Variants in WWTR1 observed in about 807,000 individuals in gnomAD.
WWTR1 encodes WW domain-containing transcription regulator protein 1.
WWTR1 carries 13 observed loss-of-function variants against 40.1 expected under a neutral mutation model. The ratio of observed to expected loss-of-function variants is 0.32; its 90% CI spans 0.21 to 0.52. WWTR1 has a LOEUF of 0.52. Ranked by LOEUF, WWTR1 falls within the 20% of genes least tolerant of loss-of-function variation. The pLI is 0.97. For missense variants in WWTR1, 436 were observed against 523.1 expected, an observed-to-expected ratio of 0.83 and a Z score of 1.63; for synonymous variants, 230 against 210.1, an observed-to-expected ratio of 1.09 and a Z score of -0.82.
intron 2 of WWTR1, among the ~76,000 whole-genome samples, chr3:149,639,735 T>C (rs1477367253): frequency 1.3e-5 from 2 of 152,092 alleles, no homozygotes; most frequent in Non-Finnish European, 2.9e-5. Flanking sequence ...GGCTCACGCC[T>C]GTAATCCCAG....
chr3:149,633,317 A>G (rs761932586), intron 2 of WWTR1, among the ~76,000 whole-genome samples: 2 of 152,182 alleles, frequency 1.3e-5, no homozygotes, highest in Non-Finnish European at 2.9e-5. Flanking sequence ...TGAGCCCACG[A>G]GTTTGAGGTT....
intron 4 of WWTR1, among the ~76,000 whole-genome samples, chr3:149,528,195 C>T (rs1560045046): frequency 6.6e-6 from 1 of 152,190 alleles, no homozygotes; most frequent in Non-Finnish European, 1.5e-5. Context: ...ATTATTTGAT[C>T]TAAGGGCACT....
At chr3:149,570,129 A>C (rs1737547857) in intron 3 of WWTR1, among the ~76,000 whole-genome samples, 2 of 152,380 alleles carry the variant, frequency 1.3e-5, no homozygotes, top group South Asian at 4.1e-4. Context: ...TTTGGAACTT[A>C]CTTGGCATTC....
At chr3:149,577,481 C>G (rs1279120885) in intron 2 of WWTR1, among the ~76,000 whole-genome samples, 2 of 152,020 alleles carry the variant, frequency 1.3e-5, no homozygotes, top group African/African-American at 4.8e-5. Context: ...CCCCTTGGAC[C>G]ACTACTTCCC....
intron 1 of WWTR1, among the ~76,000 whole-genome samples, chr3:149,673,940 G>A (rs1331497771): frequency 6.6e-6 from 1 of 151,840 alleles, no homozygotes; most frequent in Non-Finnish European, 1.5e-5. Flanking sequence ...GGCTGGATAT[G>A]ATGGCTCATG....
intron 1 of WWTR1, among the ~76,000 whole-genome samples, chr3:149,689,448 T>C (rs1460473193): frequency 1.1e-5 from 1 of 93,390 alleles, no homozygotes; most frequent in Non-Finnish European, 2.2e-5. Flanking sequence ...TAAGACCATA[T>C]CAAGACATTT....
chr3:149,605,108 T>C (rs555906353), intron 2 of WWTR1, among the ~76,000 whole-genome samples: 1 of 152,276 alleles, frequency 6.6e-6, no homozygotes, highest in Admixed American at 6.5e-5. Flanking sequence ...CAGGAGAAAC[T>C]GTAAGATCAT....
intron 3 of WWTR1, among the ~76,000 whole-genome samples, chr3:149,550,026 G>A (rs796894145): frequency 2.6e-4 from 39 of 152,222 alleles, no homozygotes; most frequent in African/African-American, 8.9e-4. Flanking sequence ...ACTAACAACA[G>A]GGGAAACTGG....
At chr3:149,546,316 G>T (rs1364391069) in intron 3 of WWTR1, among the ~76,000 whole-genome samples, 1 of 152,222 alleles carries the variant, frequency 6.6e-6, no homozygotes, top group Non-Finnish European at 1.5e-5. Context: ...ATTCAAAACA[G>T]TATTGTTTAT....
At chr3:149,630,982 C>G (rs1711527729) in intron 2 of WWTR1, among the ~76,000 whole-genome samples, 1 of 152,176 alleles carries the variant, frequency 6.6e-6, no homozygotes, top group African/African-American at 2.4e-5. Flanking sequence ...CTCCCAGAAA[C>G]AAATATTCTT....
intron 2 of WWTR1, among the ~76,000 whole-genome samples, chr3:149,629,430 C>T (rs1711500630): frequency 6.6e-6 from 1 of 152,208 alleles, no homozygotes; most frequent in Non-Finnish European, 1.5e-5. Flanking sequence ...GGGGAATCTG[C>T]TAAGCGAAGC....
intron 2 of WWTR1, among the ~76,000 whole-genome samples, chr3:149,596,506 C>T (rs1739010069): frequency 6.6e-6 from 1 of 152,154 alleles, no homozygotes; most frequent in South Asian, 2.1e-4. Flanking sequence ...TTCTCTGTGG[C>T]TCGCTGACCT....
intron 3 of WWTR1, among the ~76,000 whole-genome samples, chr3:149,550,274 C>T (rs7624564): frequency 0.63 from 96,164 of 151,976 alleles, 31,915 homozygotes; most frequent in East Asian, 0.96. Flanking sequence ...TAAGCTAAAA[C>T]TTTTTAAATT....
chr3:149,721,263 TGAGTTAGTTTCCTTCTATTCA>T (rs547150260), intron 4 of WWTR1, among the ~76,000 whole-genome samples: 278 of 152,338 alleles, frequency 1.8e-3, no homozygotes, highest in Non-Finnish European at 3.4e-3. Context: ...TTTGTTATGT[TGAGTTAGTTTCCTTCTATTCA>T]GAGTTTACTG....
intron 3 of WWTR1, among the ~76,000 whole-genome samples, chr3:149,561,427 A>G (rs1013604983): frequency 9.2e-5 from 14 of 152,354 alleles, no homozygotes; most frequent in African/African-American, 2.6e-4. Flanking sequence ...GGGGAAGAAA[A>G]CACACTTTAT....
chr3:149,611,849 A>C (rs1163132770), intron 2 of WWTR1, among the ~76,000 whole-genome samples: 1 of 152,230 alleles, frequency 6.6e-6, no homozygotes, highest in Non-Finnish European at 1.5e-5. Context: ...TAGCTCACAA[A>C]TATGTTTGTT....
rs1388821285 is a variant in WWTR1, at chr3:149,591,780, G to GA, written c.432-18781dup. 1.2e-4 allele frequency among the ~76,000 whole-genome samples: 18 copies of GA among 152,182 alleles called. No homozygotes were observed. The South Asian group carries it at 3.7e-3, about 32-fold the overall frequency. ...ATTGTAGTCATTTTAAATGACTTGA[G>GA]AAAAAAGTTCATGTTTAAATACTCA... On this transcript the variant is annotated intron_variant, in intron 2 of 6. Transcript: ENST00000360632.
At chr3:149,643,460 G>C (rs892597727) in intron 2 of WWTR1, among the ~76,000 whole-genome samples, 3 of 152,226 alleles carry the variant, frequency 2.0e-5, no homozygotes, top group South Asian at 4.1e-4. Context: ...ATATCAATTA[G>C]AGTCATGTTT....
intron 1 of WWTR1, among the ~76,000 whole-genome samples, chr3:149,672,371 T>G (rs1267737040): frequency 6.6e-6 from 1 of 152,194 alleles, no homozygotes; most frequent in African/African-American, 2.4e-5. Flanking sequence ...CACTCACAAG[T>G]TGTTGCCAGA....
Sources: allele counts gnomAD v4.1 joint callset (sites outside exome capture counted in the v4.1 genomes callset), GRCh38; gene constraint gnomAD v4.1.1; transcripts MANE v1.5; gene names NCBI Gene and HGNC (gene_info 2026-07-23, HGNC 2026-07-21).